DAPK3: variants seen among roughly 807,000 people sequenced by gnomAD.
DAPK3 encodes death associated protein kinase 3, also known as death-associated protein kinase 3.
In DAPK3, 24 loss-of-function variants were observed where a neutral mutation model predicts 30.6. The observed-to-expected ratio is 0.78, with a 90% CI of 0.57 to 1.10. DAPK3 has a LOEUF of 1.10. Among genes scored for constraint, DAPK3 ranks in the 50% least tolerant of loss-of-function variants. DAPK3 has a pLI of 0.00. For synonymous variants in DAPK3, 341 were observed against 284.0 expected (o/e 1.20, Z -2.02); for missense variants, 629 against 657.3 (o/e 0.96, Z 0.47).
chr19:3,960,175 C>G (rs1209229747), intron 7 of DAPK3, 71 bp from the exon 8 acceptor site: 1 of 841,176 alleles, frequency 1.2e-6, no homozygotes. Flanking sequence ...AACTGACTCC[C>G]GGGACCCCCA....
chr19:3,964,507 AACCTCACCCCCACGCTCCCCAC>A (rs1568192603), intron 3 of DAPK3, 102 bp downstream of exon 3: 23 of 808,738 alleles, frequency 2.8e-5, no homozygotes, highest in South Asian at 1.8e-4. Flanking sequence ...ACGCTCCCCA[AACCTCACCCCCACGCTCCCCAC>A]ACCTCACCCC....
intron 4 of DAPK3, 34 bp from the exon 5 acceptor site, chr19:3,963,953 G>A (rs369679761): frequency 2.8e-6 from 4 of 1,438,710 alleles, no homozygotes; most frequent in Non-Finnish European, 3.9e-6. Flanking sequence ...CAGGCACTGG[G>A]GACATGCTGG....
Position 3,958,565 on chromosome 19 carries a change from C to T in DAPK3, c.*536G>A. 2.2e-6 allele frequency: 1 copy of T among 455,514 alleles called. No individual in the cohort carries two copies. Among genetic ancestry groups the T allele is most frequent in the South Asian group, 1.6e-5 (1 of 64,362 alleles). The allele number at this position is 455,514 out of a possible 1,614,324, so 28.2% of individuals were successfully genotyped here. A position where few individuals can be genotyped will look rare whatever the true frequency, so the allele number is the denominator to read the frequency against. On this transcript the variant is annotated 3_prime_UTR_variant, in exon 9 of 9. Coordinates refer to ENST00000545797, the MANE Select transcript of DAPK3 (RefSeq NM_001348.3). ...GGAGTCCGCAGCAGGGCACCCCACA[C>T]CCGGGGGACCGGCCTCGGCGAGAAG...
intron 1 of DAPK3, chr19:3,970,687 CA>C: frequency 6.5e-6 from 1 of 153,048 alleles, no homozygotes; most frequent in Non-Finnish European, 1.5e-5. Flanking sequence ...AACGGGCCGC[CA>C]AAAAGGGCCC....
intron 7 of DAPK3, 66 bp from the exon 8 acceptor site, chr19:3,960,170 A>G (rs1022466957): frequency 2.3e-6 from 2 of 858,120 alleles, no homozygotes; most frequent in African/African-American, 3.4e-5. Flanking sequence ...TGAACAACTG[A>G]CTCCCGGGAC....
At chr19:3,962,834 C>T (rs1304100750) in intron 6 of DAPK3, among the ~76,000 whole-genome samples, 1 of 150,458 alleles carries the variant, frequency 6.6e-6, no homozygotes, top group Non-Finnish European at 1.5e-5. Context: ...GGTGCAGCGG[C>T]CCACGCCTGT....
At chr19:3,964,037 G>A (rs922086332) in intron 4 of DAPK3, 118 bp from the exon 5 acceptor site, 47 of 821,234 alleles carry the variant, frequency 5.7e-5, no homozygotes, top group East Asian at 1.1e-4. Flanking sequence ...GCATGAATGC[G>A]GCAGAGCTGG....
intron 2 of DAPK3, among the ~76,000 whole-genome samples, chr19:3,967,221 C>T (rs917360517): frequency 6.6e-6 from 1 of 152,026 alleles, no homozygotes; most frequent in Non-Finnish European, 1.5e-5. Context: ...GAGGCAAAAG[C>T]GTGCAGATCA....
rs554401220 is a variant in DAPK3 at position 3,959,151 on chromosome 19, G to A, written c.1315C>T (p.Arg439Cys). The change falls in exon 9 of 9, where the codon CGC becomes TGC. Residue 439 changes from arginine to cysteine, a missense_variant. Arg to Cys is a radical substitution (Grantham distance 180). Transcript: ENST00000545797. The stretch of plus-strand genomic sequence containing the variant: ...TGCAGCTTCTCCTGCTCCAGGGCGC[G>A]CACGAGGTCCTGCACGAAGCGCATC... ...SEMRFVQDLV[R>C]ALEQEKLQGV... is the part of the protein sequence containing the mutation. The A allele has an allele frequency of 9.5e-5, 151 of 1,586,196 alleles. 3 individuals carry two copies. In the South Asian group the frequency reaches 1.4e-3, roughly 15 times the overall value.
chr19:3,959,336 T>C lies in DAPK3; in HGVS notation c.1130A>G (p.Asp377Gly), dbSNP rs1396014271. 1 of 1,591,046 alleles carries C rather than the reference T, an allele frequency of 6.3e-7. No homozygotes were observed. Among genetic ancestry groups the C allele is most frequent in the South Asian group, 1.1e-5 (1 of 89,528 alleles). Residue 377 changes from aspartate (D) to glycine (G), a missense_variant, in exon 9 of 9, where the codon GAC becomes GGC. By Grantham distance (94) the Asp-to-Gly change is moderately conservative. This residue lies in a region of DAPK3 where 323 missense variants were observed against 278.8 expected (regional missense o/e 1.16). Coordinates refer to ENST00000545797, the MANE Select transcript of DAPK3 (RefSeq NM_001348.3). ...CAGCTCCTGCCGTAGCCTCCGCAGG[T>C]CCTGGCCCAGGCTGTCGCTCTCCTC... ...YREESDSLGQ[D>G]LRRLRQELLK...
chr19:3,964,469 ACCCCCACGCT>A, intron 3 of DAPK3, 96 bp from the exon 4 acceptor site: 2 of 580,622 alleles, frequency 3.4e-6, no homozygotes, highest in Non-Finnish European at 4.4e-6. Flanking sequence ...CCGCAACCTC[ACCCCCACGCT>A]CCCCCAACCT....
intron 8 of DAPK3, 141 bp from the exon 9 acceptor site, chr19:3,959,778 G>A (rs1227299721): frequency 3.0e-6 from 3 of 1,007,072 alleles, no homozygotes; most frequent in Admixed American, 2.8e-5. Context: ...CCAGCCCGAC[G>A]CAAAGCCGAG....
intron 7 of DAPK3, among the ~76,000 whole-genome samples, chr19:3,960,454 G>A (rs1280809307): frequency 2.6e-5 from 4 of 151,998 alleles, no homozygotes; most frequent in Non-Finnish European, 4.4e-5. Context: ...TTTACACACC[G>A]GCAACTAATT....
intron 7 of DAPK3, 144 bp downstream of exon 7, chr19:3,960,865 A>T: frequency 1.4e-6 from 1 of 726,802 alleles, no homozygotes; most frequent in Non-Finnish European, 2.2e-6. Context: ...TTATCAGTTT[A>T]CTCTCTCCAG....
rs1185424016 is a variant in DAPK3 at position 3,971,042 on chromosome 19, C to CGGCCGGCGCCGCCGCGCT, written c.-234_-217dup. 4 of 153,916 alleles carry CGGCCGGCGCCGCCGCGCT rather than the reference C, an allele frequency of 2.6e-5. No individual in the cohort carries two copies. The highest frequency in any genetic ancestry group is 4.8e-5 in the African/African-American group (2 of 41,458). 9.5% of individuals were successfully genotyped at this position (153,916 alleles called of 1,614,324 possible). Reference sequence around the variant, plus strand: ...TTTACCCTCCGCAGCCCGGAGAATACGGCCGGCGCCGCCGCGCTGGCCACC... The same window carrying CGGCCGGCGCCGCCGCGCT: ...TTTACCCTCCGCAGCCCGGAGAATACGGCCGGCGCCGCCGCGCTGGCCGGCGCCGCCGCGCTGGCCACC... On this transcript the variant is annotated 5_prime_UTR_variant, in exon 1 of 9. Coordinates refer to ENST00000545797, the MANE Select transcript of DAPK3 (RefSeq NM_001348.3).
chr19:3,960,005 C>T (rs1421927741), intron 8 of DAPK3, 54 bp downstream of exon 8: 1 of 996,270 alleles, frequency 1.0e-6, no homozygotes, highest in East Asian at 2.4e-5. Context: ...CCCGGGACCC[C>T]AGCGAGAAGG....
At position 3,964,898 on chromosome 19, in the gene DAPK3, G is replaced by A. The variant is rs1391297059; in HGVS notation, c.156C>T (p.Ser52=). ...TCTCCTCCCGGCTCACCCCACGCCG[G>A]CTGGATGACAGGCGGCGCTTCTTGA... The part of the protein sequence containing the change: ...KFIKKRRLSS[S]RRGVSREEIE... Residue 52 remains serine (S), a synonymous_variant, in exon 3 of 9, where the codon AGC becomes AGT. Coordinates refer to ENST00000545797, the MANE Select transcript of DAPK3 (RefSeq NM_001348.3). 6.2e-7 allele frequency: 1 copy of A among 1,610,158 alleles called. No homozygotes were observed. Among genetic ancestry groups the A allele is most frequent in the East Asian group, 2.2e-5 (1 of 44,824 alleles).
At chr19:3,968,428 T>C (rs370322897) in intron 2 of DAPK3, among the ~76,000 whole-genome samples, 163 of 150,952 alleles carry the variant, frequency 1.1e-3, no homozygotes, top group African/African-American at 3.6e-3. Flanking sequence ...TGAGTCGAGA[T>C]CGCATCACTG....
chr19:3,970,223 C>G (rs1050661061), intron 1 of DAPK3, among the ~76,000 whole-genome samples: 1 of 152,182 alleles, frequency 6.6e-6, no homozygotes, highest in Non-Finnish European at 1.5e-5. Flanking sequence ...TACTCCCTGG[C>G]CAATGTCTTA....
Sources: allele counts gnomAD v4.1 joint callset (sites outside exome capture counted in the v4.1 genomes callset), GRCh38; gene constraint gnomAD v4.1.1; regional missense constraint gnomAD v4.1.1; transcripts MANE v1.5; gene names NCBI Gene and HGNC (gene_info 2026-07-23, HGNC 2026-07-21).